MYO3A: variants seen among roughly 807,000 people sequenced by gnomAD.
MYO3A encodes myosin-IIIa.
A neutral mutation model predicts 192.7 loss-of-function variants in MYO3A; 180 were observed. That is an observed-to-expected ratio of 0.93 (90% CI 0.83 to 1.06). The LOEUF is 1.06. MYO3A is among the 50% of genes least tolerant of loss of function. The pLI, the probability that MYO3A is intolerant of heterozygous loss-of-function variation, is 0.00. For synonymous variants in MYO3A, 628 were observed against 645.3 expected (o/e 0.97, Z 0.41); for missense variants, 1,896 against 1,905.0 (o/e 1.00, Z 0.09).
At chr10:25,957,346 T>C (rs895606297) in intron 4 of MYO3A, among the ~76,000 whole-genome samples, 1 of 152,170 alleles carries the variant, frequency 6.6e-6, no homozygotes, top group African/African-American at 2.4e-5. Context: ...CTGACATCCA[T>C]GTAAGATGTG....
At position 26,173,830 on chromosome 10, in the gene MYO3A, C is replaced by A. The variant is rs757598033; in HGVS notation, c.3566C>A (p.Pro1189Gln). 6.2e-7 allele frequency: 1 copy of A among 1,611,726 alleles called. No individual in the cohort carries two copies. Among genetic ancestry groups the A allele is most frequent in the South Asian group, 1.1e-5 (1 of 90,928 alleles). The change falls in exon 30 of 35, where the codon CCA becomes CAA. Residue 1189 changes from proline (P) to glutamine (Q), a missense_variant. Pro to Gln is a moderately conservative substitution (Grantham distance 76, BLOSUM62 -1). Transcript: ENST00000642920. The part of the protein sequence containing the change: ...VESNNRVYQT[P>Q]KKMNNVYEEE... The stretch of plus-strand genomic sequence containing the variant: ...AGTAACAACAGAGTGTATCAGACTC[C>A]AAAAAAAATGAATAATGTGTATGAG...
At chr10:26,123,025 A>G (rs1838973063) in intron 18 of MYO3A, among the ~76,000 whole-genome samples, 1 of 152,190 alleles carries the variant, frequency 6.6e-6, no homozygotes, top group African/African-American at 2.4e-5. Context: ...CTAGCTAACC[A>G]TTTTGGGGAG....
chr10:26,021,655 T>C lies in MYO3A; in HGVS notation c.731+7T>C, dbSNP rs370894720. On this transcript the variant is annotated splice_region_variant and intron_variant, in intron 8 of 34. Transcript: ENST00000642920. ...CACTCTTCAAAATACCAAGGTCAGA[T>C]GACTAACATTGGGTCCAGTATCTGC... 2.5e-6 allele frequency: 4 copies of C among 1,614,058 alleles called. No individual in the cohort carries two copies. Among genetic ancestry groups the C allele is most frequent in the Non-Finnish European group, 3.4e-6 (4 of 1,179,908 alleles).
intron 10 of MYO3A, among the ~76,000 whole-genome samples, chr10:26,058,313 G>C (rs886738475): frequency 6.6e-6 from 1 of 151,942 alleles, no homozygotes; most frequent in Admixed American, 6.6e-5. Context: ...TTCATGGCTT[G>C]ATAGCTCATT....
At chr10:26,077,233 GTTTT>G (rs34464120) in intron 14 of MYO3A, among the ~76,000 whole-genome samples, 5 of 36,294 alleles carry the variant, frequency 1.4e-4, no homozygotes, top group Admixed American at 3.5e-4. Context: ...TATTCCTAAG[GTTTT>G]TTTTTTTTTT....
intron 26 of MYO3A, among the ~76,000 whole-genome samples, chr10:26,158,779 A>G (rs368767678): frequency 3.0e-4 from 46 of 152,092 alleles, no homozygotes; most frequent in African/African-American, 9.7e-4. Context: ...TAAAATTTTC[A>G]GGTGAAACCC....
In MYO3A at chr10:26,081,147, C is replaced by T. The variant is rs942077570; in HGVS notation, c.1360-7056C>T. Among the ~76,000 whole-genome samples the T allele has an allele frequency of 3.5e-4, 29 of 83,270 alleles. 3 individuals are homozygous for T. The highest frequency in any genetic ancestry group is 8.6e-4 in the Non-Finnish European group (27 of 31,260). 54.6% of individuals were successfully genotyped at this position (83,270 alleles called of 152,430 possible). On this transcript the variant is annotated intron_variant, in intron 14 of 34. Transcript: ENST00000642920. ...TTATATGCCCTTCCCCCCCCCCCCG[C>T]CCCCGCTACCAGGGTGGGTAGGGAA...
chr10:26,120,000 CA>C (rs11372606), intron 17 of MYO3A, among the ~76,000 whole-genome samples: 4,154 of 126,100 alleles, frequency 0.033, 166 homozygotes, highest in African/African-American at 0.099. Context: ...TATAAAATAC[CA>C]AAAAAAAAAA....
intron 25 of MYO3A, among the ~76,000 whole-genome samples, chr10:26,155,262 C>T (rs1666118827): frequency 6.6e-6 from 1 of 152,208 alleles, no homozygotes; most frequent in Admixed American, 6.5e-5. Flanking sequence ...AAAATAGAGC[C>T]CGTGTAGGAA....
intron 9 of MYO3A, 22 bp from the exon 10 acceptor site, chr10:26,026,355 A>G (rs202128167): frequency 5.6e-6 from 9 of 1,613,674 alleles, no homozygotes; most frequent in Non-Finnish European, 7.6e-6. Flanking sequence ...TAATAATTGC[A>G]TGTTCTTTTT....
At chr10:26,188,262 A>T (rs1391465003) in intron 31 of MYO3A, among the ~76,000 whole-genome samples, 1 of 152,044 alleles carries the variant, frequency 6.6e-6, no homozygotes, top group East Asian at 1.9e-4. Flanking sequence ...GCATTTTTTC[A>T]TGTGTTTTTT....
intron 20 of MYO3A, among the ~76,000 whole-genome samples, chr10:26,135,700 C>T (rs556499882): frequency 5.9e-5 from 9 of 152,166 alleles, no homozygotes; most frequent in Non-Finnish European, 1.2e-4. Flanking sequence ...CTCGACCGGG[C>T]GCAGTGGCTC....
At chr10:26,047,884 A>T (rs537602127) in intron 10 of MYO3A, among the ~76,000 whole-genome samples, 1 of 146,804 alleles carries the variant, frequency 6.8e-6, no homozygotes, top group East Asian at 1.9e-4. Flanking sequence ...TAAAATTTGT[A>T]TTCTTTTTTT....
chr10:26,021,595 A>G lies in MYO3A; in HGVS notation c.678A>G (p.Gly226=), dbSNP rs1200174734. The part of the protein sequence containing the change: ...LGITAIELGD[G]DPPLADLHPM... ...TCACGGCCATTGAGCTGGGTGATGG[A>G]GATCCTCCACTAGCTGACCTTCATC... The change falls in exon 8 of 35, where the codon GGA becomes GGG. Residue 226 remains glycine (G), a synonymous_variant. Coordinates refer to ENST00000642920, the MANE Select transcript of MYO3A (RefSeq NM_017433.5). 1.2e-6 allele frequency: 2 copies of G among 1,613,996 alleles called. No individual in the cohort carries two copies. Among genetic ancestry groups the G allele is most frequent in the African/African-American group, 2.7e-5 (2 of 74,916 alleles).
intron 20 of MYO3A, among the ~76,000 whole-genome samples, chr10:26,139,802 C>T (rs953288102): frequency 3.3e-5 from 5 of 151,950 alleles, no homozygotes; most frequent in African/African-American, 1.2e-4. Context: ...CAAGGCAGGA[C>T]AATCACTTGA....
In MYO3A at chr10:26,203,056, A is replaced by G; in HGVS notation, c.4679A>G (p.Glu1560Gly). 2 of 1,613,816 alleles carry G rather than the reference A, an allele frequency of 1.2e-6. No homozygotes were observed. The highest frequency in any genetic ancestry group is 1.7e-6 in the Non-Finnish European group (2 of 1,179,828). Reference protein sequence around the residue: ...GPKEHSPSLRERRPQQELQNQ... With the variant: ...GPKEHSPSLRGRRPQQELQNQ... ...AAGGAACATAGCCCTAGTTTAAGAG[A>G]ACGAAGACCACAGCAAGAACTCCAG... The change falls in exon 34 of 35, where the codon GAA (glutamate) becomes GGA (glycine). Residue 1560 changes from glutamate (E) to glycine (G), a missense_variant. By Grantham distance (98) the Glu-to-Gly change is moderately conservative. Coordinates refer to ENST00000642920, the MANE Select transcript of MYO3A (RefSeq NM_017433.5).
intron 7 of MYO3A, among the ~76,000 whole-genome samples, 177 bp from the exon 8 acceptor site, chr10:26,021,326 A>C (rs1195805477): frequency 6.6e-6 from 1 of 152,202 alleles, no homozygotes; most frequent in Non-Finnish European, 1.5e-5. Flanking sequence ...CCAGAACAAA[A>C]ATACTACTAC....
At chr10:26,061,852 T>TG (rs1834502689) in intron 10 of MYO3A, among the ~76,000 whole-genome samples, 1 of 112,600 alleles carries the variant, frequency 8.9e-6, no homozygotes, top group Non-Finnish European at 2.2e-5. Context: ...AATGGGTCCA[T>TG]AAAAACAGAA....
intron 4 of MYO3A, among the ~76,000 whole-genome samples, chr10:25,960,364 A>G (rs1826280105): frequency 6.6e-6 from 1 of 152,124 alleles, no homozygotes; most frequent in African/African-American, 2.4e-5. Context: ...TAGACAATTT[A>G]TCTATGATTT....
Sources: allele counts gnomAD v4.1 joint callset (sites outside exome capture counted in the v4.1 genomes callset), GRCh38; gene constraint gnomAD v4.1.1; transcripts MANE v1.5; gene names NCBI Gene and HGNC (gene_info 2026-07-23, HGNC 2026-07-21).